The following CEP83 variants were observed in gnomAD, a reference collection of about 807,000 sequenced individuals.
The protein encoded by CEP83 is centrosomal protein of 83 kDa.
Under a neutral mutation model 101.9 loss-of-function variants are expected in CEP83, and 70 were observed. The ratio of observed to expected loss-of-function variants is 0.69; its 90% CI spans 0.57 to 0.84. The LOEUF (loss-of-function observed/expected upper bound fraction) is 0.84. Among genes scored for constraint, CEP83 ranks in the 40% least tolerant of loss-of-function variants. The pLI is 0.00. For missense variants in CEP83, 715 were observed against 787.2 expected, an observed-to-expected ratio of 0.91 and a Z score of 1.10; for synonymous variants, 264 against 267.9, an observed-to-expected ratio of 0.99 and a Z score of 0.14.
intron 11 of CEP83, among the ~76,000 whole-genome samples, chr12:94,348,180 C>G (rs1478252949): frequency 2.7e-5 from 4 of 150,438 alleles, no homozygotes; most frequent in African/African-American, 4.9e-5. Flanking sequence ...ACGTATAGAA[C>G]AAAAAATAAC....
At chr12:94,403,314 T>A in intron 4 of CEP83, 52 bp from the exon 5 acceptor site, 1 of 832,290 alleles carries the variant, frequency 1.2e-6, no homozygotes, top group Non-Finnish European at 2.0e-6. Flanking sequence ...AATCAAGAAT[T>A]CTCCATATTT....
intron 11 of CEP83, among the ~76,000 whole-genome samples, chr12:94,362,695 C>A (rs956179620): frequency 6.6e-6 from 1 of 152,210 alleles, no homozygotes; most frequent in African/African-American, 2.4e-5. Flanking sequence ...GGGTATATAC[C>A]CAAAGCAAAG....
chr12:94,331,964 G>A lies in CEP83; in HGVS notation c.1578-135C>T, dbSNP rs1349695061. 8 of 703,366 alleles carry A rather than the reference G, an allele frequency of 1.1e-5. No homozygotes were observed. The East Asian group carries it at 2.2e-4, about 19-fold the overall frequency. 43.6% of individuals were successfully genotyped at this position (703,366 alleles called of 1,614,324 possible). On this transcript the variant is annotated intron_variant, in intron 13 of 16. Transcript: ENST00000397809. ...TATCCAACTGCAGGCCCTCCTGTATGGCCACTTGTTTGGAAATCCCACCAT... is the reference window on the plus strand; with the variant it reads ...TATCCAACTGCAGGCCCTCCTGTATAGCCACTTGTTTGGAAATCCCACCAT...
chr12:94,274,562 T>C, the CEP83 span, among the ~76,000 whole-genome samples: 3 of 152,068 alleles, frequency 2.0e-5, no homozygotes, highest in Non-Finnish European at 4.4e-5. Flanking sequence ...GCCAAGGAAA[T>C]AGGAAGAGGC....
At chr12:94,348,107 CA>C (rs200270946) in intron 11 of CEP83, among the ~76,000 whole-genome samples, 19 of 149,252 alleles carry the variant, frequency 1.3e-4, no homozygotes, top group East Asian at 2.0e-4. Flanking sequence ...TATTTTACCA[CA>C]AAAAAAATAT....
chr12:94,294,403 C>T, the CEP83 span: 17 of 649,296 alleles, frequency 2.6e-5, 1 homozygote, highest in South Asian at 2.8e-4. Context: ...CATGTAAGAT[C>T]CATCCAGCCA....
In CEP83 at chr12:94,459,681, G is replaced by A. The variant is rs550427931; in HGVS notation, c.-279C>T. 1.3e-5 allele frequency: 2 copies of A among 152,758 alleles called. No homozygotes were observed. Among genetic ancestry groups the A allele is most frequent in the East Asian group, 1.9e-4 (1 of 5,188 alleles). 9.5% of individuals were successfully genotyped at this position (152,758 alleles called of 1,614,324 possible). On this transcript the variant is annotated 5_prime_UTR_variant, in exon 1 of 17. Transcript: ENST00000397809. The stretch of plus-strand genomic sequence containing the variant: ...CAGGCACCCACTCAACTCCGCTTAC[G>A]GAGGCATTGGGACTAAGGGTTACGG...
chr12:94,326,380 C>T (rs1009522141), intron 14 of CEP83, among the ~76,000 whole-genome samples: 4 of 152,174 alleles, frequency 2.6e-5, no homozygotes, highest in Admixed American at 6.5e-5. Flanking sequence ...ATGGGAACCC[C>T]TAAGTTAGTC....
intron 2 of CEP83, chr12:94,424,904 T>G: frequency 6.3e-7 from 1 of 1,599,350 alleles, no homozygotes; most frequent in Non-Finnish European, 8.6e-7. Flanking sequence ...CACATATGGC[T>G]TCTTGTTGTT....
chr12:94,295,025 G>A, the CEP83 span, among the ~76,000 whole-genome samples: 13 of 152,212 alleles, frequency 8.5e-5, no homozygotes, highest in African/African-American at 3.1e-4. Context: ...GAACTTTTAT[G>A]GGAAAGTCAA....
chr12:94,302,255 C>T (rs563710711), downstream of CEP83, among the ~76,000 whole-genome samples: 70 of 152,320 alleles, frequency 4.6e-4, no homozygotes, highest in Admixed American at 1.3e-3. Flanking sequence ...CACTGTGCTA[C>T]AGCTTTTACT....
At chr12:94,453,106 A>G (rs962017527) in intron 1 of CEP83, among the ~76,000 whole-genome samples, 1 of 152,154 alleles carries the variant, frequency 6.6e-6, no homozygotes, top group Non-Finnish European at 1.5e-5. Flanking sequence ...ACTAAATGTG[A>G]TGTGCATTCT....
chr12:94,305,307 T>A, downstream of CEP83: 1 of 1,475,102 alleles, frequency 6.8e-7, no homozygotes, highest in Non-Finnish European at 9.4e-7. Flanking sequence ...CCTGGCTTAA[T>A]CTGGCAAAGT....
At chr12:94,298,884 C>A in the CEP83 span, 1 of 1,233,772 alleles carries the variant, frequency 8.1e-7, no homozygotes, top group Non-Finnish European at 1.1e-6. Context: ...TAGAAGGATT[C>A]ATTTATCTCT....
downstream of CEP83, among the ~76,000 whole-genome samples, chr12:94,302,463 TCCCC>T (rs144826070): frequency 7.9e-4 from 120 of 152,312 alleles, 1 homozygote; most frequent in East Asian, 0.022. Flanking sequence ...TTGTGAACTT[TCCCC>T]AATATATTTC....
intron 1 of CEP83, among the ~76,000 whole-genome samples, chr12:94,435,864 G>C (rs1159818954): frequency 6.6e-6 from 1 of 152,134 alleles, no homozygotes; most frequent in East Asian, 1.9e-4. Flanking sequence ...AGCAGGTGCT[G>C]GTATCCACAG....
chr12:94,305,631 T>TA (rs1968925787), downstream of CEP83: 1 of 200,362 alleles, frequency 5.0e-6, no homozygotes, highest in African/African-American at 2.3e-5. Context: ...AAACTACAGC[T>TA]ATGTAGCACT....
chr12:94,319,146 T>C (rs1403350394), intron 14 of CEP83, among the ~76,000 whole-genome samples: 1 of 152,192 alleles, frequency 6.6e-6, no homozygotes, highest in Non-Finnish European at 1.5e-5. Context: ...GGAAGGTGTA[T>C]GTGTCCAGAA....
At position 94,369,961 on chromosome 12, in the gene CEP83, G is replaced by T. The variant is rs201914992; in HGVS notation, c.1009C>A (p.Leu337Ile). ...KLETARAKSELERERNKIQSE... is the reference protein window; with the variant it reads ...KLETARAKSEIERERNKIQSE... ...TGAATCTTATTCCTTTCTCTTTCTA[G>T]CTCACTCTTAGCTCTTGCTGTCTCC... The change falls in exon 9 of 17, where the codon CTA becomes ATA. Residue 337 changes from leucine to isoleucine, a missense_variant. Leu to Ile is a conservative substitution (Grantham distance 5). Coordinates refer to ENST00000397809, the MANE Select transcript of CEP83 (RefSeq NM_016122.3). 385 of 1,607,752 alleles carry T rather than the reference G, an allele frequency of 2.4e-4. No individual in the cohort carries two copies. The highest frequency in any genetic ancestry group is 3.2e-4 in the Non-Finnish European group (373 of 1,175,040).
Sources: gnomAD v4.1 joint callset for allele counts (sites outside exome capture counted in the v4.1 genomes callset) on GRCh38, gnomAD v4.1.1 for gene constraint, MANE v1.5 for transcripts, NCBI Gene and HGNC (gene_info 2026-07-23, HGNC 2026-07-21) for gene names.